The following CACUL1 variants were observed in gnomAD, a reference collection of about 807,000 sequenced individuals.
CACUL1 encodes the protein CDK2-associated and cullin domain-containing protein 1.
In CACUL1, 13 loss-of-function variants were observed where a neutral mutation model predicts 45.2. That is an observed-to-expected ratio of 0.29 (90% CI 0.19 to 0.46). The LOEUF is 0.46. Among genes scored for constraint, CACUL1 ranks in the 20% least tolerant of loss-of-function variants. The probability of loss-of-function intolerance (pLI) is 1.00; values close to 1 mark genes in which losing one functional copy is unlikely to be tolerated. For missense variants in CACUL1, 421 were observed against 471.4 expected, an observed-to-expected ratio of 0.89 and a Z score of 0.99; for synonymous variants, 197 against 174.2, an observed-to-expected ratio of 1.13 and a Z score of -1.03.
chr10:118,723,254 G>GT (rs892728745), intron 3 of CACUL1, among the ~76,000 whole-genome samples: 7 of 151,496 alleles, frequency 4.6e-5, no homozygotes, highest in South Asian at 4.2e-4. Flanking sequence ...TGTTAACTAT[G>GT]TTTTTTTACT....
chr10:118,720,853 G>T (rs1330997577), intron 3 of CACUL1, among the ~76,000 whole-genome samples: 2 of 152,244 alleles, frequency 1.3e-5, no homozygotes, highest in East Asian at 1.9e-4. Context: ...TCGAGGGTTA[G>T]GGTGTCTCCC....
intron 5 of CACUL1, among the ~76,000 whole-genome samples, chr10:118,698,067 T>C (rs368749662): frequency 1.8e-4 from 28 of 152,162 alleles, no homozygotes; most frequent in African/African-American, 2.2e-4. Context: ...ACTGATTCTT[T>C]ATTAACAGAC....
intron 6 of CACUL1, chr10:118,692,715 A>G (rs369808688): frequency 1.9e-4 from 29 of 152,220 alleles, no homozygotes; most frequent in African/African-American, 2.4e-4. Flanking sequence ...AATGCTCTTG[A>G]ATCACTTTAA....
intron 1 of CACUL1, among the ~76,000 whole-genome samples, chr10:118,731,200 G>A (rs1056846389): frequency 3.9e-5 from 6 of 152,130 alleles, no homozygotes; most frequent in Non-Finnish European, 5.9e-5. Flanking sequence ...AGAAGAACCT[G>A]CCTATATTCT....
chr10:118,730,353 C>G lies in CACUL1; in HGVS notation c.425G>C (p.Gly142Ala). 6.2e-7 allele frequency: 1 copy of G among 1,613,770 alleles called. No individual in the cohort carries two copies. The change falls in exon 2 of 9, where the codon GGT (glycine) becomes GCT (alanine). Residue 142 changes from glycine to alanine, a missense_variant. Physicochemically the swap from Gly to Ala is moderately conservative, Grantham distance 60. Transcript: ENST00000369151. ...CTGAGTTAAAAGTTGATCTATGGCA[C>G]CATCCAATTTTGGCCAGTATGTGCT... ...YKSTYWPKLD[G>A]AIDQLLTQSP... is the part of the protein sequence containing the mutation.
intron 1 of CACUL1, among the ~76,000 whole-genome samples, chr10:118,738,915 A>AAACC (rs59742595): frequency 6.8e-6 from 1 of 147,522 alleles, no homozygotes; most frequent in Non-Finnish European, 1.5e-5. Context: ...AAAAAAAAAA[A>AAACC]GCCTGGGCGC....
intron 5 of CACUL1, 93 bp downstream of exon 5, chr10:118,701,213 G>T: frequency 1.6e-6 from 1 of 611,332 alleles, no homozygotes; most frequent in Non-Finnish European, 2.8e-6. Context: ...GTTAACATTG[G>T]GGTTTACGTG....
chr10:118,724,477 AC>A (rs954272814), intron 3 of CACUL1, among the ~76,000 whole-genome samples: 1 of 152,222 alleles, frequency 6.6e-6, no homozygotes, highest in African/African-American at 2.4e-5. Flanking sequence ...TAAATAGGAT[AC>A]GTTAGGGTTC....
At chr10:118,745,011 ATT>A (rs1453611900) in intron 1 of CACUL1, among the ~76,000 whole-genome samples, 1 of 152,196 alleles carries the variant, frequency 6.6e-6, no homozygotes, top group Non-Finnish European at 1.5e-5. Context: ...ATGACAGTGT[ATT>A]TGGGGAATTA....
At chr10:118,734,448 G>C (rs1845723282) in intron 1 of CACUL1, among the ~76,000 whole-genome samples, 1 of 152,188 alleles carries the variant, frequency 6.6e-6, no homozygotes, top group South Asian at 2.1e-4. Flanking sequence ...CAAAATTAAA[G>C]TATGAAACCT....
rs1350263269 is a variant in CACUL1, at chr10:118,676,742, A to G, written c.*9386T>C. 1 of 152,164 alleles carries G rather than the reference A, an allele frequency of 6.6e-6. No homozygotes were observed. Among genetic ancestry groups the G allele is most frequent in the African/African-American group, 2.4e-5 (1 of 41,430 alleles). 9.4% of individuals were successfully genotyped at this position (152,164 alleles called of 1,614,324 possible). On this transcript the variant is annotated 3_prime_UTR_variant, in exon 9 of 9. Transcript: ENST00000369151. The stretch of plus-strand genomic sequence containing the variant: ...ACAAATACCACAAACAATATTTTAA[A>G]ACATTTTTACTTCATCTTTTTGATT...
chr10:118,747,239 G>C (rs1330366911), intron 1 of CACUL1, among the ~76,000 whole-genome samples: 1 of 152,160 alleles, frequency 6.6e-6, no homozygotes, highest in Non-Finnish European at 1.5e-5. Flanking sequence ...ACAATACCAA[G>C]AATGCAGAGC....
At chr10:118,748,077 C>T (rs1454093079) in intron 1 of CACUL1, among the ~76,000 whole-genome samples, 1 of 151,938 alleles carries the variant, frequency 6.6e-6, no homozygotes, top group African/African-American at 2.4e-5. Flanking sequence ...AGAGTGAGAT[C>T]CCATCTCCAA....
intron 3 of CACUL1, among the ~76,000 whole-genome samples, chr10:118,723,345 A>G (rs1845619087): frequency 6.6e-6 from 1 of 152,162 alleles, no homozygotes; most frequent in African/African-American, 2.4e-5. Flanking sequence ...GCTTCAGAAC[A>G]TTTCAAACCT....
At chr10:118,702,008 A>C (rs542621874) in intron 4 of CACUL1, among the ~76,000 whole-genome samples, 1 of 152,330 alleles carries the variant, frequency 6.6e-6, no homozygotes, top group African/African-American at 2.4e-5. Flanking sequence ...GCATGTATAC[A>C]TCCAGATGGC....
intron 3 of CACUL1, among the ~76,000 whole-genome samples, chr10:118,720,104 G>C (rs1220698803): frequency 6.6e-6 from 1 of 152,054 alleles, no homozygotes; most frequent in African/African-American, 2.4e-5. Context: ...ATTATTATAT[G>C]AAATTTTTTT....
In CACUL1 at chr10:118,679,379, T is replaced by C. The variant is rs1224568853; in HGVS notation, c.*6749A>G. ...CATGCCTAATTTTTTTTTAATTTAT[T>C]TTTATTTTTTATTTTTTGTAGAGAC... is the stretch of plus-strand genomic sequence containing the variant. On this transcript the variant is annotated 3_prime_UTR_variant, in exon 9 of 9. Coordinates refer to ENST00000369151, the MANE Select transcript of CACUL1 (RefSeq NM_153810.5). 6.6e-6 allele frequency: 1 copy of C among 151,688 alleles called. No individual in the cohort carries two copies. Among genetic ancestry groups the C allele is most frequent in the Non-Finnish European group, 1.5e-5 (1 of 67,950 alleles). The allele number at this position is 151,688 out of a possible 1,614,324, so 9.4% of individuals were successfully genotyped here.
At position 118,681,634 on chromosome 10, in the gene CACUL1, T is replaced by C. The variant is rs1286274568; in HGVS notation, c.*4494A>G. The C allele has an allele frequency of 6.6e-6, 1 of 152,192 alleles. No homozygotes were observed. The highest frequency in any genetic ancestry group is 1.5e-5 in the Non-Finnish European group (1 of 68,034). The allele number at this position is 152,192 out of a possible 1,614,324, so 9.4% of individuals were successfully genotyped here. On this transcript the variant is annotated 3_prime_UTR_variant, in exon 9 of 9. Transcript: ENST00000369151. The stretch of plus-strand genomic sequence containing the variant: ...CAATGCAGTCCAGAGATGAAGATAA[T>C]TTCCAACCAGCAGGGATGCAATATA...
At position 118,754,828 on chromosome 10, in the gene CACUL1, G is replaced by C. The variant is rs1483693903; in HGVS notation, c.-66C>G. On this transcript the variant is annotated 5_prime_UTR_variant, in exon 1 of 9. Coordinates refer to ENST00000369151, the MANE Select transcript of CACUL1 (RefSeq NM_153810.5). ...CCGCCTGTCTCAACCCCGGGCCAGC[G>C]GGCACCGCTGCCTCCCCGAGTTACA... 2 of 1,497,684 alleles carry C rather than the reference G, an allele frequency of 1.3e-6. No homozygotes were observed. Among genetic ancestry groups the C allele is most frequent in the African/African-American group, 2.9e-5 (2 of 68,312 alleles). 92.8% of individuals were successfully genotyped at this position (1,497,684 alleles called of 1,614,324 possible).
Sources: allele counts gnomAD v4.1 joint callset (sites outside exome capture counted in the v4.1 genomes callset), GRCh38; gene constraint gnomAD v4.1.1; transcripts MANE v1.5; gene names NCBI Gene and HGNC (gene_info 2026-07-23, HGNC 2026-07-21).